Variants in WDR36 observed in about 807,000 individuals in gnomAD.
WDR36 encodes the protein WD repeat domain 36, also known as WD repeat-containing protein 36.
Under a neutral mutation model 112.7 loss-of-function variants are expected in WDR36, and 63 were observed. The observed-to-expected ratio is 0.56, with a 90% CI of 0.46 to 0.69. WDR36 has a LOEUF of 0.69. Among genes scored for constraint, WDR36 ranks in the 30% least tolerant of loss-of-function variants. The pLI, the probability that WDR36 is intolerant of heterozygous loss-of-function variation, is 0.00. For missense variants in WDR36, 1,226 were observed against 1,070.3 expected (o/e 1.15, Z -2.03); for synonymous variants, 410 against 362.2 (o/e 1.13, Z -1.50).
rs1191650563 is a variant in WDR36 at position 111,129,407 on chromosome 5, T to C, written c.*2524T>C. Reference sequence around the variant, plus strand: ...CCCATGTAATTAATGACACTTGCTATTGGATTTTTGTAATTTAATTACTCT... The same window carrying C: ...CCCATGTAATTAATGACACTTGCTACTGGATTTTTGTAATTTAATTACTCT... On this transcript the variant is annotated 3_prime_UTR_variant, in exon 23 of 23. Transcript: ENST00000513710. 8 of 193,134 alleles carry C rather than the reference T, an allele frequency of 4.1e-5. No homozygotes were observed. Among genetic ancestry groups the C allele is most frequent in the African/African-American group, 1.2e-4 (5 of 43,134 alleles). 12.0% of individuals were successfully genotyped at this position (193,134 alleles called of 1,614,324 possible). A position where few individuals can be genotyped will look rare whatever the true frequency, so the allele number is the denominator to read the frequency against.
chr5:111,115,190 G>T (rs1387001886), intron 16 of WDR36, among the ~76,000 whole-genome samples: 1 of 152,182 alleles, frequency 6.6e-6, no homozygotes, highest in African/African-American at 2.4e-5. Flanking sequence ...GTAATAAAAT[G>T]TACATTGATT....
chr5:111,098,382 G>A (rs1387203489), intron 3 of WDR36, among the ~76,000 whole-genome samples: 5 of 152,154 alleles, frequency 3.3e-5, no homozygotes, highest in South Asian at 2.1e-4. Flanking sequence ...ATACCATCTC[G>A]CTAGGATATA....
At chr5:111,125,825 G>A (rs768805075) in intron 22 of WDR36, 30 bp downstream of exon 22, 58 of 1,611,426 alleles carry the variant, frequency 3.6e-5, no homozygotes, top group Non-Finnish European at 2.8e-5. Context: ...GTACTGCCCA[G>A]CTTGTCTTCT....
Position 111,106,247 on chromosome 5 carries a change from A to T in WDR36, c.1180+104A>T, listed in dbSNP as rs1753219644. ...TTAATAAATGCTTTTACAAATATTA[A>T]TAAGCATTCAGAAGGTAACCCCAGG... is the stretch of plus-strand genomic sequence containing the variant. On this transcript the variant is annotated intron_variant, in intron 11 of 22. Coordinates refer to ENST00000513710, the MANE Select transcript of WDR36 (RefSeq NM_139281.3). 6 of 1,080,830 alleles carry T rather than the reference A, an allele frequency of 5.6e-6. No individual in the cohort carries two copies. The Admixed American group carries it at 7.5e-5, about 14-fold the overall frequency. The allele number at this position is 1,080,830 out of a possible 1,614,324, so 67.0% of individuals were successfully genotyped here.
chr5:111,112,897 A>G (rs1753370255), intron 15 of WDR36, among the ~76,000 whole-genome samples, 177 bp from the exon 16 acceptor site: 1 of 150,994 alleles, frequency 6.6e-6, no homozygotes, highest in Admixed American at 6.6e-5. Flanking sequence ...ATATAAAATA[A>G]GGCAGCCTGA....
At chr5:111,104,410 A>G in intron 8 of WDR36, 58 bp downstream of exon 8, 1 of 1,601,154 alleles carries the variant, frequency 6.2e-7, no homozygotes, top group Non-Finnish European at 8.6e-7. Context: ...TTGGGTTATT[A>G]CAAGCTTGTT....
chr5:111,096,140 T>A (rs939766256), intron 2 of WDR36, among the ~76,000 whole-genome samples: 4 of 152,150 alleles, frequency 2.6e-5, no homozygotes, highest in Non-Finnish European at 5.9e-5. Context: ...CTACTAACCC[T>A]CCTGCCCCAA....
intron 21 of WDR36, among the ~76,000 whole-genome samples, chr5:111,124,557 T>C (rs1280504306): frequency 1.3e-5 from 2 of 152,198 alleles, no homozygotes; most frequent in Non-Finnish European, 2.9e-5. Flanking sequence ...TGTTTTTATT[T>C]ATAATTTGTA....
At chr5:111,102,498 T>A in intron 6 of WDR36, 99 bp downstream of exon 6, 1 of 1,182,042 alleles carries the variant, frequency 8.5e-7, no homozygotes, top group Non-Finnish European at 1.3e-6. Flanking sequence ...GACGAAACAA[T>A]ATATAGCTTA....
intron 16 of WDR36, among the ~76,000 whole-genome samples, chr5:111,118,048 G>T (rs530867458): frequency 6.6e-6 from 1 of 152,190 alleles, no homozygotes; most frequent in East Asian, 1.9e-4. Flanking sequence ...GCATTCTGAT[G>T]GCAAGTTTTT....
At position 111,127,387 on chromosome 5, in the gene WDR36, G is replaced by A. The variant is rs1753696080; in HGVS notation, c.*504G>A. 1 of 199,766 alleles carries A rather than the reference G, an allele frequency of 5.0e-6. No homozygotes were observed. The highest frequency in any genetic ancestry group is 1.9e-4 in the South Asian group (1 of 5,222). The allele number at this position is 199,766 out of a possible 1,614,324, so 12.4% of individuals were successfully genotyped here. A position where few individuals can be genotyped will look rare whatever the true frequency, so the allele number is the denominator to read the frequency against. On this transcript the variant is annotated 3_prime_UTR_variant, in exon 23 of 23. Coordinates refer to ENST00000513710, the MANE Select transcript of WDR36 (RefSeq NM_139281.3). ...TTGCTGAATTAAATTGAAAATGTCA[G>A]ATAAAACTGATACATGATGTAGTTA... is the stretch of plus-strand genomic sequence containing the variant.
rs186101443 is a variant in WDR36 at position 111,120,978 on chromosome 5, C to A, written c.2003-18C>A. 4.7e-4 allele frequency: 758 copies of A among 1,605,182 alleles called. 3 individuals carry two copies. In the African/African-American group the frequency reaches 8.8e-3, roughly 19 times the overall value. On this transcript the variant is annotated intron_variant, in intron 18 of 22. Coordinates refer to ENST00000513710, the MANE Select transcript of WDR36 (RefSeq NM_139281.3). ...ATATGATAAAAATCTTTTGTTTTAC[C>A]TGAAAAATTTTTTTAAGATGTAGAA... is the stretch of plus-strand genomic sequence containing the variant.
Position 111,108,948 on chromosome 5 carries a change from C to T in WDR36, c.1327-1241C>T, listed in dbSNP as rs115310280. On this transcript the variant is annotated intron_variant, in intron 12 of 22. Coordinates refer to ENST00000513710, the MANE Select transcript of WDR36 (RefSeq NM_139281.3). ...AGCTATCTGGAGCAAAGCTAGTAAC[C>T]AATAAGTAATAAGCAAAAATACGTA... is the stretch of plus-strand genomic sequence containing the variant. Among the ~76,000 whole-genome samples, 582 of 151,280 alleles carry T rather than the reference C, an allele frequency of 3.8e-3. 3 individuals carry two copies. The highest frequency in any genetic ancestry group is 0.013 in the African/African-American group (543 of 41,430).
At chr5:111,092,758 C>A in intron 1 of WDR36, 140 bp downstream of exon 1, 1 of 1,152,418 alleles carries the variant, frequency 8.7e-7, no homozygotes, top group South Asian at 1.3e-5. Context: ...TAATATTTCG[C>A]CATCCGGTCA....
chr5:111,099,463 G>GTTTTT (rs67437234), intron 4 of WDR36, among the ~76,000 whole-genome samples: 4 of 84,958 alleles, frequency 4.7e-5, no homozygotes, highest in Non-Finnish European at 9.9e-5. Flanking sequence ...TTTTTTTTTT[G>GTTTTT]TTTTTTTTTT....
At chr5:111,120,663 C>A in intron 18 of WDR36, 70 bp downstream of exon 18, 2 of 1,291,704 alleles carry the variant, frequency 1.5e-6, no homozygotes, top group Non-Finnish European at 2.2e-6. Flanking sequence ...ATATTGCTAC[C>A]AAAGGCAAAG....
chr5:111,119,007 C>A lies in WDR36; in HGVS notation c.1797-6C>A. 2 of 1,605,318 alleles carry A rather than the reference C, an allele frequency of 1.2e-6. No individual in the cohort carries two copies. Among genetic ancestry groups the A allele is most frequent in the Non-Finnish European group, 1.7e-6 (2 of 1,172,286 alleles). On this transcript the variant is annotated splice_region_variant and splice_polypyrimidine_tract_variant and intron_variant, in intron 16 of 22. Coordinates refer to ENST00000513710, the MANE Select transcript of WDR36 (RefSeq NM_139281.3). ...AATACTTTTAACATGTTAATTATTT[C>A]TGTAGCCTTATAGACTGCTTTTTGT...
rs775381984 is a variant in WDR36, at chr5:111,100,670, T to A, written c.491T>A (p.Ile164Lys). ...ILHPSTYLNK[I>K]LLGSEQGSLQ... ...CATCCAAGTACCTACTTGAATAAAATACTTCTGGGCAGTGAACAAGGAAGC... is the reference window on the plus strand; with the variant it reads ...CATCCAAGTACCTACTTGAATAAAAAACTTCTGGGCAGTGAACAAGGAAGC... The change falls in exon 5 of 23, where the codon ATA becomes AAA. Residue 164 changes from isoleucine to lysine, a missense_variant. Physicochemically the swap from Ile to Lys is moderately radical, Grantham distance 102. Coordinates refer to ENST00000513710, the MANE Select transcript of WDR36 (RefSeq NM_139281.3). 1 of 1,608,788 alleles carries A rather than the reference T, an allele frequency of 6.2e-7. No homozygotes were observed. The highest frequency in any genetic ancestry group is 1.7e-5 in the Admixed American group (1 of 59,758).
intron 1 of WDR36, among the ~76,000 whole-genome samples, chr5:111,093,624 T>A (rs1752915033): frequency 6.6e-6 from 1 of 152,218 alleles, no homozygotes; most frequent in African/African-American, 2.4e-5. Context: ...ACTTGTTCCT[T>A]GCTTGCTAAC....
Sources: allele counts gnomAD v4.1 joint callset (sites outside exome capture counted in the v4.1 genomes callset), GRCh38; gene constraint gnomAD v4.1.1; transcripts MANE v1.5; gene names NCBI Gene and HGNC (gene_info 2026-07-23, HGNC 2026-07-21).